Variants in RORA observed in about 807,000 individuals in gnomAD.
The protein encoded by RORA is RAR related orphan receptor A.
Under a neutral mutation model 69.5 loss-of-function variants are expected in RORA, and 7 were observed. The observed-to-expected ratio is 0.10, with a 90% CI of 0.06 to 0.19. The LOEUF (loss-of-function observed/expected upper bound fraction) is 0.19. RORA is among the 10% of genes least tolerant of loss of function. The pLI is 1.00. For missense variants in RORA, 457 were observed against 663.0 expected (o/e 0.69, Z 3.41); for synonymous variants, 261 against 240.8 (o/e 1.08, Z -0.78).
intron 1 of RORA, among the ~76,000 whole-genome samples, chr15:61,002,869 C>T (rs769446663): frequency 9.8e-4 from 149 of 151,700 alleles, no homozygotes; most frequent in Non-Finnish European, 1.6e-3. Context: ...TGGTGGCTCA[C>T]GCCTGTAATC....
intron 1 of RORA, among the ~76,000 whole-genome samples, chr15:61,071,013 C>T (rs111752604): frequency 0.01 from 1,520 of 151,656 alleles, 26 homozygotes; most frequent in African/African-American, 0.034. Flanking sequence ...AGTAATCTAA[C>T]GGACTCCTCT....
At chr15:61,144,902 G>A (rs944534580) in intron 1 of RORA, among the ~76,000 whole-genome samples, 7 of 152,226 alleles carry the variant, frequency 4.6e-5, no homozygotes, top group African/African-American at 1.2e-4. Flanking sequence ...TATAAGTTTC[G>A]CTGTATATCC....
At chr15:60,761,281 C>T (rs2071884556) in intron 1 of RORA, among the ~76,000 whole-genome samples, 1 of 152,124 alleles carries the variant, frequency 6.6e-6, no homozygotes. Flanking sequence ...TGGTACCCAT[C>T]ACAGATGTAT....
At chr15:61,010,018 T>C (rs1453032588) in intron 1 of RORA, among the ~76,000 whole-genome samples, 2 of 152,230 alleles carry the variant, frequency 1.3e-5, no homozygotes, top group East Asian at 3.8e-4. Flanking sequence ...CCCCCAACTG[T>C]ACTGCTTCAT....
chr15:60,631,774 G>A (rs1370974111), intron 2 of RORA, among the ~76,000 whole-genome samples: 1 of 152,184 alleles, frequency 6.6e-6, no homozygotes, highest in Non-Finnish European at 1.5e-5. Context: ...TCTCACCCGC[G>A]AACTTTCAGA....
chr15:60,826,743 C>A (rs79461618), intron 1 of RORA, among the ~76,000 whole-genome samples: 2 of 85,730 alleles, frequency 2.3e-5, no homozygotes, highest in Non-Finnish European at 6.2e-5. Flanking sequence ...TCTACCTGCT[C>A]TCTCTCTCTC....
intron 1 of RORA, among the ~76,000 whole-genome samples, chr15:60,788,879 G>C (rs1269053562): frequency 6.6e-6 from 1 of 152,174 alleles, no homozygotes; most frequent in Non-Finnish European, 1.5e-5. Context: ...TCTGCAGTCA[G>C]ATAAAATGCT....
At chr15:60,742,094 T>C (rs930231732) in intron 1 of RORA, among the ~76,000 whole-genome samples, 1 of 152,296 alleles carries the variant, frequency 6.6e-6, no homozygotes, top group Admixed American at 6.5e-5. Context: ...ACTGGAGATA[T>C]ATCTATATCT....
At chr15:60,620,765 T>C (rs1596068328) in intron 2 of RORA, among the ~76,000 whole-genome samples, 1 of 152,342 alleles carries the variant, frequency 6.6e-6, no homozygotes, top group East Asian at 1.9e-4. Context: ...AGGTCTGGGA[T>C]GTGTGGCTTT....
At chr15:61,153,136 G>C (rs76086389) in intron 1 of RORA, among the ~76,000 whole-genome samples, 2 of 152,280 alleles carry the variant, frequency 1.3e-5, no homozygotes, top group East Asian at 3.9e-4. Context: ...AGAAGCCCTG[G>C]AGCCTGCAGC....
chr15:61,089,256 T>C (rs1423760916), intron 1 of RORA, among the ~76,000 whole-genome samples: 3 of 152,166 alleles, frequency 2.0e-5, no homozygotes, highest in Non-Finnish European at 4.4e-5. Context: ...CCCCCTACTG[T>C]AGAAAAAAGT....
intron 1 of RORA, among the ~76,000 whole-genome samples, chr15:61,031,215 T>G (rs55764737): frequency 6.6e-6 from 1 of 152,196 alleles, no homozygotes; most frequent in South Asian, 2.1e-4. Flanking sequence ...AAATTCCTTT[T>G]GAATACCAAA....
chr15:60,996,224 C>T (rs1485122387), intron 1 of RORA, among the ~76,000 whole-genome samples: 2 of 152,080 alleles, frequency 1.3e-5, no homozygotes, highest in African/African-American at 4.8e-5. Flanking sequence ...GCATGTGGCA[C>T]CATGCCCAGC....
intron 1 of RORA, among the ~76,000 whole-genome samples, chr15:60,801,511 T>A (rs2072580867): frequency 6.6e-6 from 1 of 152,232 alleles, no homozygotes; most frequent in African/African-American, 2.4e-5. Flanking sequence ...ATTTAAAACA[T>A]TCTGGAAAAT....
chr15:61,135,146 TAAAA>T (rs59644906), intron 1 of RORA, among the ~76,000 whole-genome samples: 7 of 56,594 alleles, frequency 1.2e-4, no homozygotes, highest in Non-Finnish European at 2.2e-4. Flanking sequence ...CATCTCTTAC[TAAAA>T]AAAAAAAAAA....
intron 1 of RORA, among the ~76,000 whole-genome samples, chr15:60,706,616 G>T (rs2071066610): frequency 6.6e-6 from 1 of 152,142 alleles, no homozygotes; most frequent in Non-Finnish European, 1.5e-5. Flanking sequence ...TGCAAGTGCT[G>T]CTCCATTTCA....
chr15:61,176,868 G>A (rs947785219), intron 1 of RORA, among the ~76,000 whole-genome samples: 9 of 152,190 alleles, frequency 5.9e-5, no homozygotes, highest in East Asian at 5.8e-4. Context: ...AAAGAGGTAC[G>A]CAGGTTTTAA....
At chr15:60,571,904 GTAA>G (rs1007103013) in intron 2 of RORA, among the ~76,000 whole-genome samples, 1 of 152,132 alleles carries the variant, frequency 6.6e-6, no homozygotes, top group Non-Finnish European at 1.5e-5. Flanking sequence ...CATTAAAAAA[GTAA>G]TAATCCATGA....
intron 1 of RORA, among the ~76,000 whole-genome samples, chr15:60,934,082 C>T (rs922779): frequency 0.16 from 24,576 of 152,200 alleles, 2,023 homozygotes; most frequent in Admixed American, 0.21. Context: ...TCACAGTGCC[C>T]TCTTGGCAGT....
Sources: gnomAD v4.1 joint callset for allele counts (sites outside exome capture counted in the v4.1 genomes callset) on GRCh38, gnomAD v4.1.1 for gene constraint, MANE v1.5 for transcripts, NCBI Gene and HGNC (gene_info 2026-07-23, HGNC 2026-07-21) for gene names.